The following PRKCB variants were observed in gnomAD, a reference collection of about 807,000 sequenced individuals.
PRKCB encodes protein kinase C beta, also known as protein kinase C beta type.
Under a neutral mutation model 81.5 loss-of-function variants are expected in PRKCB, and 13 were observed. The observed-to-expected ratio is 0.16, with a 90% CI of 0.10 to 0.25. The LOEUF is 0.25. Among genes scored for constraint, PRKCB ranks in the 10% least tolerant of loss-of-function variants. The pLI, the probability that PRKCB is intolerant of heterozygous loss-of-function variation, is 1.00. For synonymous variants in PRKCB, 335 were observed against 321.4 expected, an observed-to-expected ratio of 1.04 and a Z score of -0.45; for missense variants, 509 against 875.7, an observed-to-expected ratio of 0.58 and a Z score of 5.29.
rs574479088 is a variant in PRKCB at position 23,900,786 on chromosome 16, A to G, written c.205+63380A>G. Among the ~76,000 whole-genome samples, 41 of 103,862 alleles carry G rather than the reference A, an allele frequency of 3.9e-4. 1 individual carries two copies. The South Asian group carries it at 0.013, about 32-fold the overall frequency. The allele number at this position is 103,862 out of a possible 152,430, so 68.1% of individuals were successfully genotyped here. On this transcript the variant is annotated intron_variant, in intron 2 of 16. Transcript: ENST00000643927. ...CATACGGTCTTCTGTTGATGGGCAT[A>G]GGTTATTTCTAGTCTTTTGCATAAC...
intron 2 of PRKCB, among the ~76,000 whole-genome samples, chr16:23,913,331 A>C (rs1963690158): frequency 6.6e-6 from 1 of 151,332 alleles, no homozygotes; most frequent in South Asian, 2.1e-4. Flanking sequence ...ATTGGGCCCA[A>C]ATCATGTCAA....
Position 24,032,119 on chromosome 16 carries a change from G to T in PRKCB, c.289-17G>T, listed in dbSNP as rs1965557852. On this transcript the variant is annotated splice_polypyrimidine_tract_variant and intron_variant, in intron 3 of 16. Transcript: ENST00000643927. ...TCCACTGACGCTGGCTCCTTCTGTT[G>T]TTTCTCTTGGCTCCAGGACCCCCGC... is the stretch of plus-strand genomic sequence containing the variant. 5.7e-6 allele frequency: 9 copies of T among 1,582,578 alleles called. No homozygotes were observed. The highest frequency in any genetic ancestry group is 7.8e-6 in the Non-Finnish European group (9 of 1,151,782).
intron 9 of PRKCB, among the ~76,000 whole-genome samples, chr16:24,138,578 T>C (rs1188269002): frequency 6.6e-6 from 1 of 152,172 alleles, no homozygotes; most frequent in Non-Finnish European, 1.5e-5. Context: ...GCATTTCTGT[T>C]CTTTTGTGAG....
intron 2 of PRKCB, among the ~76,000 whole-genome samples, chr16:23,982,732 G>A (rs1422604264): frequency 1.3e-5 from 2 of 152,154 alleles, no homozygotes; most frequent in Non-Finnish European, 2.9e-5. Flanking sequence ...CTCAGCTGCA[G>A]GTGGCCTTTC....
At chr16:23,914,020 T>C (rs1475482251) in intron 2 of PRKCB, among the ~76,000 whole-genome samples, 2 of 152,046 alleles carry the variant, frequency 1.3e-5, no homozygotes, top group African/African-American at 2.4e-5. Flanking sequence ...TTTTCTTTTC[T>C]TTTGGGGCAG....
chr16:24,000,397 T>G (rs1375477863), intron 3 of PRKCB, among the ~76,000 whole-genome samples: 1 of 152,244 alleles, frequency 6.6e-6, no homozygotes, highest in Non-Finnish European at 1.5e-5. Flanking sequence ...ATCACGTCAA[T>G]GGTGGTTAAG....
intron 3 of PRKCB, among the ~76,000 whole-genome samples, chr16:24,031,697 G>A (rs183281265): frequency 6.6e-6 from 1 of 152,350 alleles, no homozygotes; most frequent in African/African-American, 2.4e-5. Flanking sequence ...TCTAAGCAGG[G>A]AGATTTCACA....
At chr16:24,076,171 T>C (rs1966174575) in intron 5 of PRKCB, among the ~76,000 whole-genome samples, 2 of 152,178 alleles carry the variant, frequency 1.3e-5, no homozygotes, top group South Asian at 4.1e-4. Context: ...GAAACAGGAC[T>C]TCTCAGTCAT....
At position 24,118,471 on chromosome 16, in the gene PRKCB, G is replaced by A. The variant is rs1373457669; in HGVS notation, c.919-5364G>A. Among the ~76,000 whole-genome samples the A allele has an allele frequency of 3.3e-5, 5 of 152,234 alleles. No individual in the cohort carries two copies. In the South Asian group the frequency reaches 1.0e-3, roughly 32 times the overall value. On this transcript the variant is annotated intron_variant, in intron 8 of 16. Transcript: ENST00000643927. ...AATCTACAGGGACTCCTAGCCTACA[G>A]AGGTCCCTGCCCCACTGCTGGGTAG...
intron 2 of PRKCB, among the ~76,000 whole-genome samples, chr16:23,960,153 G>T (rs1484663117): frequency 6.6e-6 from 1 of 152,290 alleles, no homozygotes; most frequent in African/African-American, 2.4e-5. Context: ...TGACTTATGG[G>T]AAACAACCTC....
chr16:24,129,039 A>T (rs1240793944), intron 9 of PRKCB, among the ~76,000 whole-genome samples: 1 of 152,250 alleles, frequency 6.6e-6, no homozygotes, highest in East Asian at 1.9e-4. Context: ...TATACACAGC[A>T]CAAGGATAAC....
At chr16:24,022,074 C>A (rs1286332309) in intron 3 of PRKCB, among the ~76,000 whole-genome samples, 2 of 152,062 alleles carry the variant, frequency 1.3e-5, no homozygotes, top group African/African-American at 4.8e-5. Context: ...CTGTGGAAAC[C>A]TGATTTCCAG....
At chr16:23,972,203 C>T (rs532700787) in intron 2 of PRKCB, among the ~76,000 whole-genome samples, 2 of 152,142 alleles carry the variant, frequency 1.3e-5, no homozygotes, top group African/African-American at 2.4e-5. Context: ...GCATACTGTA[C>T]GAGGCCATTA....
At chr16:23,936,345 A>C (rs1205067333) in intron 2 of PRKCB, among the ~76,000 whole-genome samples, 2 of 151,662 alleles carry the variant, frequency 1.3e-5, no homozygotes, top group African/African-American at 4.8e-5. Flanking sequence ...TCCCCTGTCC[A>C]CCCCACGTCT....
rs10639027 is a variant in PRKCB at position 24,219,245 on chromosome 16, C to CTTTTGTTTTG, written c.*4449_*4458dup. 7.3e-3 allele frequency: 7,200 copies of CTTTTGTTTTG among 981,906 alleles called. 112 individuals carry two copies. The Admixed American group carries it at 0.08, about 11-fold the overall frequency. 60.8% of individuals were successfully genotyped at this position (981,906 alleles called of 1,614,324 possible). ...AGGAGAATCGAGTTGCTTTGAGTTT[C>CTTTTGTTTTG]TTTTGTTTTGTTTTGTTTTGTTTTG... On this transcript the variant is annotated 3_prime_UTR_variant, in exon 17 of 17. Coordinates refer to ENST00000643927, the MANE Select transcript of PRKCB (RefSeq NM_002738.7).
Position 24,137,731 on chromosome 16 carries a change from G to C in PRKCB, c.1065+13750G>C, listed in dbSNP as rs1477767327. On this transcript the variant is annotated intron_variant, in intron 9 of 16. Coordinates refer to ENST00000643927, the MANE Select transcript of PRKCB (RefSeq NM_002738.7). Reference sequence around the variant, plus strand: ...ACAGTCCTGGTAAAATGAATCCCTGGTTACTAACAGCATAACCCATAATCT... The same window carrying C: ...ACAGTCCTGGTAAAATGAATCCCTGCTTACTAACAGCATAACCCATAATCT... 2.0e-5 allele frequency among the ~76,000 whole-genome samples: 3 copies of C among 152,212 alleles called. No individual in the cohort carries two copies. In the South Asian group the frequency reaches 6.2e-4, roughly 32 times the overall value.
Position 24,217,032 on chromosome 16 carries a change from C to A in PRKCB, c.*2216C>A. 3.1e-6 allele frequency: 3 copies of A among 983,400 alleles called. No individual in the cohort carries two copies. Among genetic ancestry groups the A allele is most frequent in the Non-Finnish European group, 3.6e-6 (3 of 829,680 alleles). The allele number at this position is 983,400 out of a possible 1,614,324, so 60.9% of individuals were successfully genotyped here. ...ATAAAAACCATGGAGAAACACTAGG[C>A]CATTGACAAATGATCTGAGACAACT... On this transcript the variant is annotated 3_prime_UTR_variant, in exon 17 of 17. Transcript: ENST00000643927.
intron 16 of PRKCB, among the ~76,000 whole-genome samples, chr16:24,214,030 G>C (rs900036690): frequency 6.6e-6 from 1 of 152,206 alleles, no homozygotes; most frequent in African/African-American, 2.4e-5. Context: ...TTCAGTGACT[G>C]ATCCAGCTAA....
intron 2 of PRKCB, among the ~76,000 whole-genome samples, chr16:23,932,127 G>T (rs192365424): frequency 2.6e-5 from 4 of 152,114 alleles, no homozygotes; most frequent in African/African-American, 4.8e-5. Flanking sequence ...GAAACCAATG[G>T]CATGGAAGTG....
Sources: gnomAD v4.1 joint callset for allele counts (sites outside exome capture counted in the v4.1 genomes callset) on GRCh38, gnomAD v4.1.1 for gene constraint, MANE v1.5 for transcripts, NCBI Gene and HGNC (gene_info 2026-07-23, HGNC 2026-07-21) for gene names.